PPP2R3A: variants seen among roughly 807,000 people sequenced by gnomAD.
PPP2R3A encodes serine/threonine-protein phosphatase 2A regulatory subunit B'' subunit alpha.
In PPP2R3A, 80 loss-of-function variants were observed where a neutral mutation model predicts 106.9. That is an observed-to-expected ratio of 0.75 (90% CI 0.62 to 0.90). The LOEUF is 0.90. PPP2R3A is among the 40% of genes least tolerant of loss of function. PPP2R3A has a pLI of 0.00. For synonymous variants in PPP2R3A, 483 were observed against 468.3 expected (o/e 1.03, Z -0.41); for missense variants, 1,386 against 1,350.4 (o/e 1.03, Z -0.41).
chr3:136,082,396 C>T lies in PPP2R3A; in HGVS notation c.2763C>T (p.Ala921=), dbSNP rs372565743. 2.4e-5 allele frequency: 38 copies of T among 1,613,648 alleles called. No individual in the cohort carries two copies. Among genetic ancestry groups the T allele is most frequent in the East Asian group, 1.1e-4 (5 of 44,882 alleles). ...ATCACGACCTCTACATCAGCCAGGC[C>T]GATCTGTCTCGATACAATGACCAGG... ...DTDHDLYISQ[A]DLSRYNDQAS... Residue 921 remains alanine, a synonymous_variant, in exon 8 of 14, where the codon GCC becomes GCT. Coordinates refer to ENST00000264977, the MANE Select transcript of PPP2R3A (RefSeq NM_002718.5).
At chr3:136,013,432 C>T (rs1576434443) in intron 2 of PPP2R3A, among the ~76,000 whole-genome samples, 1 of 152,126 alleles carries the variant, frequency 6.6e-6, no homozygotes, top group Non-Finnish European at 1.5e-5. Flanking sequence ...AATTTTCATA[C>T]TGTTTTCCAG....
chr3:136,016,618 A>G (rs1381137988), intron 2 of PPP2R3A, among the ~76,000 whole-genome samples: 1 of 152,138 alleles, frequency 6.6e-6, no homozygotes, highest in African/African-American at 2.4e-5. Flanking sequence ...TTTATCTGAT[A>G]TAAGAATAGC....
At chr3:136,035,033 C>T (rs1288326061) in intron 3 of PPP2R3A, among the ~76,000 whole-genome samples, 3 of 152,136 alleles carry the variant, frequency 2.0e-5, no homozygotes, top group African/African-American at 4.8e-5. Context: ...ATAAGAATAG[C>T]CACTCCTCAC....
chr3:136,056,781 G>A (rs1360516705), intron 5 of PPP2R3A, among the ~76,000 whole-genome samples: 1 of 151,854 alleles, frequency 6.6e-6, no homozygotes, highest in African/African-American at 2.4e-5. Context: ...TCAACAGAGT[G>A]AAAAGAAAAT....
At chr3:135,998,872 A>G (rs992403828) in intron 1 of PPP2R3A, among the ~76,000 whole-genome samples, 1 of 152,252 alleles carries the variant, frequency 6.6e-6, no homozygotes, top group Non-Finnish European at 1.5e-5. Flanking sequence ...TAAAAAATAC[A>G]TACATTTATA....
Position 136,103,227 on chromosome 3 carries a change from A to C in PPP2R3A, c.3104-31A>C, listed in dbSNP as rs368094869. ...CCTCTTGCCAAAACAGCTCTTGATGAAATTTACCAGATTTGTTTATTTTTA... is the reference window on the plus strand; with the variant it reads ...CCTCTTGCCAAAACAGCTCTTGATGCAATTTACCAGATTTGTTTATTTTTA... On this transcript the variant is annotated intron_variant, in intron 11 of 13. Coordinates refer to ENST00000264977, the MANE Select transcript of PPP2R3A (RefSeq NM_002718.5). The C allele has an allele frequency of 5.5e-5, 81 of 1,475,196 alleles. No individual in the cohort carries two copies. In the African/African-American group the frequency reaches 1.1e-3, roughly 21 times the overall value. 91.4% of individuals were successfully genotyped at this position (1,475,196 alleles called of 1,614,324 possible). A position where few individuals can be genotyped will look rare whatever the true frequency, so the allele number is the denominator to read the frequency against.
chr3:136,137,603 G>A (rs1243551391), intron 13 of PPP2R3A, among the ~76,000 whole-genome samples: 3 of 130,354 alleles, frequency 2.3e-5, no homozygotes, highest in Admixed American at 9.8e-5. Context: ...GTGCAGTAGC[G>A]CGATCTCCGC....
At chr3:136,075,724 A>G (rs1338967641) in intron 6 of PPP2R3A, among the ~76,000 whole-genome samples, 1 of 152,200 alleles carries the variant, frequency 6.6e-6, no homozygotes, top group African/African-American at 2.4e-5. Context: ...GAGTATATAA[A>G]TATAAATTTT....
intron 8 of PPP2R3A, among the ~76,000 whole-genome samples, chr3:136,082,974 T>C (rs531686242): frequency 6.6e-6 from 1 of 152,300 alleles, no homozygotes; most frequent in African/African-American, 2.4e-5. Context: ...TTTACTTCAT[T>C]TTTGCCAGCG....
At position 136,146,696 on chromosome 3, in the gene PPP2R3A, C is replaced by T. The variant is rs1334641721; in HGVS notation, c.*1530C>T. The T allele has an allele frequency of 6.6e-6, 1 of 151,914 alleles. No individual in the cohort carries two copies. The highest frequency in any genetic ancestry group is 1.5e-5 in the Non-Finnish European group (1 of 67,998). The allele number at this position is 151,914 out of a possible 1,614,324, so 9.4% of individuals were successfully genotyped here. On this transcript the variant is annotated 3_prime_UTR_variant, in exon 14 of 14. Transcript: ENST00000264977. ...TATTGCAACTATCTAATAGTTCACA[C>T]AAAAGAATTAAAAGCTTAAAAATAA...
chr3:136,130,298 G>T (rs1576334011), intron 13 of PPP2R3A, among the ~76,000 whole-genome samples: 2 of 152,296 alleles, frequency 1.3e-5, no homozygotes, highest in East Asian at 3.9e-4. Context: ...TCCTTAAGCT[G>T]ATAAGCAACT....
At chr3:136,044,597 C>T (rs1380279798) in intron 4 of PPP2R3A, among the ~76,000 whole-genome samples, 2 of 134,302 alleles carry the variant, frequency 1.5e-5, no homozygotes, top group Non-Finnish European at 3.1e-5. Flanking sequence ...AAAAAAAAGA[C>T]AAGGATGTTA....
At chr3:135,982,854 C>T (rs896535803) in intron 1 of PPP2R3A, among the ~76,000 whole-genome samples, 3 of 152,150 alleles carry the variant, frequency 2.0e-5, no homozygotes, top group Admixed American at 1.3e-4. Context: ...CACAGAACCC[C>T]ACTAGAGGTG....
At chr3:135,965,920 A>G (rs1386520211) in intron 1 of PPP2R3A, 71 bp downstream of exon 1, 1 of 119,632 alleles carries the variant, frequency 8.4e-6, no homozygotes, top group Admixed American at 8.5e-5. Context: ...GGGGGTGGCG[A>G]GGCTCGGGGC....
In PPP2R3A at chr3:136,145,571, GA is replaced by G. The variant is rs1939085860; in HGVS notation, c.*406del. ...AGAAACCTTCACTTGCAGAAAACTT[GA>G]GTCAGAAAATTCTGGAACTTGAAAA... On this transcript the variant is annotated 3_prime_UTR_variant, in exon 14 of 14. Coordinates refer to ENST00000264977, the MANE Select transcript of PPP2R3A (RefSeq NM_002718.5). 1 of 152,998 alleles carries G rather than the reference GA, an allele frequency of 6.5e-6. No homozygotes were observed. The highest frequency in any genetic ancestry group is 1.5e-5 in the Non-Finnish European group (1 of 68,350). 9.5% of individuals were successfully genotyped at this position (152,998 alleles called of 1,614,324 possible).
chr3:136,063,227 G>A (rs1224629934), intron 5 of PPP2R3A, among the ~76,000 whole-genome samples: 5 of 152,148 alleles, frequency 3.3e-5, no homozygotes, highest in Admixed American at 3.3e-4. Flanking sequence ...TATGTAGAAA[G>A]CTGAAACTGG....
chr3:135,976,626 TG>T (rs2107752974), intron 1 of PPP2R3A, among the ~76,000 whole-genome samples: 1 of 152,350 alleles, frequency 6.6e-6, no homozygotes, highest in East Asian at 1.9e-4. Flanking sequence ...ATTATAAAAA[TG>T]GCATATTTCC....
intron 6 of PPP2R3A, among the ~76,000 whole-genome samples, chr3:136,073,958 C>T (rs966883593): frequency 6.6e-6 from 1 of 152,178 alleles, no homozygotes; most frequent in Non-Finnish European, 1.5e-5. Flanking sequence ...ACAGCAAAAA[C>T]AGTTAAGATC....
At chr3:136,111,586 G>T (rs1937592804) in intron 13 of PPP2R3A, among the ~76,000 whole-genome samples, 1 of 151,682 alleles carries the variant, frequency 6.6e-6, no homozygotes, top group Admixed American at 6.6e-5. Flanking sequence ...AACCTCCTAA[G>T]ATTGAACCAG....
Sources: gnomAD v4.1 joint callset for allele counts (sites outside exome capture counted in the v4.1 genomes callset) on GRCh38, gnomAD v4.1.1 for gene constraint, MANE v1.5 for transcripts, NCBI Gene and HGNC (gene_info 2026-07-23, HGNC 2026-07-21) for gene names.